POF1B: variants seen among roughly 807,000 people sequenced by gnomAD.
The protein encoded by POF1B is protein POF1B.
In POF1B, 53 loss-of-function variants were observed where a neutral mutation model predicts 55.3. That is an observed-to-expected ratio of 0.96 (90% CI 0.77 to 1.20). The LOEUF is 1.20. Among genes scored for constraint, POF1B ranks in the 50% most tolerant of loss-of-function variants. POF1B has a pLI of 0.00. For missense variants in POF1B, 478 were observed against 420.5 expected (o/e 1.14, Z -1.20); for synonymous variants, 188 against 148.3 (o/e 1.27, Z -1.95).
At chrX:85,326,380 C>T (rs1485838218) in intron 7 of POF1B, among the ~76,000 whole-genome samples, 3 of 110,143 alleles carry the variant, frequency 2.7e-5, no homozygotes, top group African/African-American at 1.0e-4. Flanking sequence ...CTGTGCGCGC[C>T]CTTTGTGTGC....
chrX:85,351,577 T>A, intron 4 of POF1B, 126 bp from the exon 5 acceptor site: 2 of 454,426 alleles, frequency 4.4e-6, no homozygotes, highest in Non-Finnish European at 7.6e-6. Flanking sequence ...GAGAGAGGAA[T>A]GACATCCCAA....
intron 10 of POF1B, among the ~76,000 whole-genome samples, chrX:85,307,880 A>T (rs746479963): frequency 8.9e-6 from 1 of 111,909 alleles, no homozygotes; most frequent in East Asian, 2.8e-4. Context: ...TTTAAGCATT[A>T]AATTGCCTTA....
At chrX:85,287,025 G>A (rs1932069078) in intron 15 of POF1B, among the ~76,000 whole-genome samples, 1 of 111,191 alleles carries the variant, frequency 9.0e-6, no homozygotes, top group Non-Finnish European at 1.9e-5. Flanking sequence ...AAATTAAAAG[G>A]GAAATTAGAA....
In POF1B at chrX:85,345,949, G is replaced by T; in HGVS notation, c.634C>A (p.Gln212Lys). Residue 212 changes from glutamine (Q) to lysine (K), a missense_variant, in exon 6 of 17, where the codon CAA becomes AAA. Transcript: ENST00000262753. The stretch of plus-strand genomic sequence containing the variant: ...TTATTTCCTGTGATGGCTTGGATTT[G>T]CTGGCTAGAATCAGGTTGTTGCCAG... ...AHWQQPDSSQQIQAITGNNPI... is the reference protein window; with the variant it reads ...AHWQQPDSSQKIQAITGNNPI... 8.3e-7 allele frequency: 1 copy of T among 1,207,703 alleles called. No homozygotes were observed. Among genetic ancestry groups the T allele is most frequent in the Non-Finnish European group, 1.1e-6 (1 of 893,049 alleles).
intron 16 of POF1B, among the ~76,000 whole-genome samples, chrX:85,281,744 T>TAA (rs918027894): frequency 1.9e-5 from 2 of 108,044 alleles, no homozygotes; most frequent in African/African-American, 6.7e-5. Context: ...TATATATATA[T>TAA]AAAATCCACA....
In POF1B at chrX:85,331,195, A is replaced by AT. The variant is rs1023632490; in HGVS notation, c.724-117dup. Reference sequence around the variant, plus strand: ...CTAAAGTCATCACATAAATCAAGCCATTTTTTTCAGGGATACATTTTTTAA... The same window carrying AT: ...CTAAAGTCATCACATAAATCAAGCCATTTTTTTTCAGGGATACATTTTTTAA... On this transcript the variant is annotated intron_variant, in intron 6 of 16. Transcript: ENST00000262753. 1.2e-4 allele frequency: 93 copies of AT among 759,655 alleles called. No individual in the cohort carries two copies. The African/African-American group carries it at 1.9e-3, about 16-fold the overall frequency. 62.6% of individuals were successfully genotyped at this position (759,655 alleles called of 1,213,427 possible). A position where few individuals can be genotyped will look rare whatever the true frequency, so the allele number is the denominator to read the frequency against.
At chrX:85,337,909 G>A (rs997479626) in intron 6 of POF1B, among the ~76,000 whole-genome samples, 1 of 111,226 alleles carries the variant, frequency 9.0e-6, no homozygotes, top group African/African-American at 3.3e-5. Flanking sequence ...TTAAATGGGG[G>A]GGAAGTGCTC....
At chrX:85,308,250 T>A (rs369106642) in intron 9 of POF1B, 34 bp from the exon 10 acceptor site, 246 of 987,803 alleles carry the variant, frequency 2.5e-4, no homozygotes, top group Non-Finnish European at 3.3e-4. Context: ...TTTAGTTTTA[T>A]TAACATTTGA....
chrX:85,354,938 A>G (rs777074670), intron 4 of POF1B, among the ~76,000 whole-genome samples: 1 of 111,612 alleles, frequency 9.0e-6, no homozygotes, highest in East Asian at 2.8e-4. Context: ...GACTTTCTTC[A>G]CGGAATTGGA....
intron 4 of POF1B, among the ~76,000 whole-genome samples, chrX:85,359,183 C>A (rs1439007309): frequency 9.0e-6 from 1 of 111,243 alleles, no homozygotes; most frequent in Admixed American, 9.6e-5. Context: ...AAAACTCCAA[C>A]CCCTGGTGCA....
At chrX:85,337,744 A>G (rs183027369) in intron 6 of POF1B, among the ~76,000 whole-genome samples, 187 of 112,115 alleles carry the variant, frequency 1.7e-3, no homozygotes, top group African/African-American at 5.7e-3. Flanking sequence ...TGTTGCAATG[A>G]AAAAAGAATT....
At chrX:85,357,613 G>A (rs1391254176) in intron 4 of POF1B, among the ~76,000 whole-genome samples, 1 of 110,606 alleles carries the variant, frequency 9.0e-6, no homozygotes, top group African/African-American at 3.3e-5. Flanking sequence ...CATTTGAGAC[G>A]GTTGACCACC....
At chrX:85,336,249 T>C (rs1264690340) in intron 6 of POF1B, among the ~76,000 whole-genome samples, 1 of 111,195 alleles carries the variant, frequency 9.0e-6, no homozygotes, top group Non-Finnish European at 1.9e-5. Flanking sequence ...CTTTATCCAT[T>C]AGACTGTTGG....
chrX:85,365,065 T>C (rs1430576105), intron 3 of POF1B, among the ~76,000 whole-genome samples: 1 of 111,883 alleles, frequency 8.9e-6, no homozygotes, highest in South Asian at 3.7e-4. Flanking sequence ...TGTGATTGCA[T>C]TGTGAAATTC....
intron 15 of POF1B, among the ~76,000 whole-genome samples, chrX:85,294,651 C>T (rs1194257670): frequency 9.0e-6 from 1 of 111,470 alleles, no homozygotes; most frequent in Non-Finnish European, 1.9e-5. Context: ...TGTTTATGTT[C>T]ATCATGGTTA....
rs363750 is a variant in POF1B at position 85,314,333 on chromosome X, G to T, written c.957+99C>A. ...AGAATCCTCAACTCTTAGGAAATAAGATTTTAATTTGGGACTTTCTGTTCT... is the reference window on the plus strand; with the variant it reads ...AGAATCCTCAACTCTTAGGAAATAATATTTTAATTTGGGACTTTCTGTTCT... On this transcript the variant is annotated intron_variant, in intron 9 of 16. Transcript: ENST00000262753. 7.5e-4 allele frequency: 479 copies of T among 639,799 alleles called. 2 individuals carry two copies. In the East Asian group the frequency reaches 0.014, roughly 18 times the overall value. The allele number at this position is 639,799 out of a possible 1,213,427, so 52.7% of individuals were successfully genotyped here.
In POF1B at chrX:85,367,541, C is replaced by T; in HGVS notation, c.357+151G>A. 7.2e-6 allele frequency: 3 copies of T among 417,073 alleles called. No homozygotes were observed. In the South Asian group the frequency reaches 1.2e-4, roughly 17 times the overall value. The allele number at this position is 417,073 out of a possible 1,213,427, so 34.4% of individuals were successfully genotyped here. ...TACTTTTATGGGCTGAGGTGATACT[C>T]ATATGTGAGAATCCTCTTTCATATT... is the stretch of plus-strand genomic sequence containing the variant. On this transcript the variant is annotated intron_variant, in intron 3 of 16. Transcript: ENST00000262753.
At chrX:85,331,245 C>T (rs1932974421) in intron 6 of POF1B, among the ~76,000 whole-genome samples, 166 bp from the exon 7 acceptor site, 2 of 111,291 alleles carry the variant, frequency 1.8e-5, no homozygotes, top group African/African-American at 6.5e-5. Context: ...AAAGAAAAAT[C>T]AACATTGCAA....
intron 9 of POF1B, among the ~76,000 whole-genome samples, chrX:85,311,368 C>T (rs958311438): frequency 9.1e-6 from 1 of 109,951 alleles, no homozygotes; most frequent in Non-Finnish European, 1.9e-5. Flanking sequence ...CCCCCCACCC[C>T]CTGACAGGCC....
Sources: allele counts gnomAD v4.1 joint callset (sites outside exome capture counted in the v4.1 genomes callset), GRCh38; gene constraint gnomAD v4.1.1; transcripts MANE v1.5; gene names NCBI Gene and HGNC (gene_info 2026-07-23, HGNC 2026-07-21).